CFAP45: variants seen among roughly 807,000 people sequenced by gnomAD.
The protein encoded by CFAP45 is cilia and flagella associated protein 45.
Under a neutral mutation model 75.6 loss-of-function variants are expected in CFAP45, and 43 were observed. That is an observed-to-expected ratio of 0.57 (90% CI 0.45 to 0.73). The LOEUF is 0.73. Ranked by LOEUF, CFAP45 falls within the 30% of genes least tolerant of loss-of-function variation. The pLI, the probability that CFAP45 is intolerant of heterozygous loss-of-function variation, is 0.00. For missense variants in CFAP45, 689 were observed against 701.5 expected (o/e 0.98, Z 0.20); for synonymous variants, 223 against 244.6 (o/e 0.91, Z 0.82).
chr1:159,885,340 A>G (rs933649329), intron 6 of CFAP45, among the ~76,000 whole-genome samples: 4 of 152,202 alleles, frequency 2.6e-5, no homozygotes, highest in Admixed American at 2.6e-4. Flanking sequence ...TTTCACTGGG[A>G]ACCTACTATA....
At chr1:159,898,131 CTT>C in intron 1 of CFAP45, 1 of 985,466 alleles carries the variant, frequency 1.0e-6, no homozygotes, top group South Asian at 4.7e-5. Flanking sequence ...GCTTCAAACT[CTT>C]GGCCTGGTTC....
rs1172080816 is a variant in CFAP45 at position 159,887,893 on chromosome 1, C to T, written c.536G>A (p.Arg179Lys). The T allele has an allele frequency of 6.2e-7, 1 of 1,614,210 alleles. No homozygotes were observed. The highest frequency in any genetic ancestry group is 8.5e-7 in the Non-Finnish European group (1 of 1,180,022). ...CTGCTCCATCCGCAGCTTGTTGGCTCTCTGCAGGAGGTTCTGGGCCCGTTC... is the reference window on the plus strand; with the variant it reads ...CTGCTCCATCCGCAGCTTGTTGGCTTTCTGCAGGAGGTTCTGGGCCCGTTC... ...AKERAQNLLQ[R>K]ANKLRMEQEE... is the part of the protein sequence containing the mutation. Residue 179 changes from arginine (R) to lysine (K), a missense_variant, in exon 5 of 12, where the codon AGA becomes AAA. By Grantham distance (26) the Arg-to-Lys change is conservative (BLOSUM62 2). Transcript: ENST00000368099.
intron 1 of CFAP45, among the ~76,000 whole-genome samples, chr1:159,896,695 C>G (rs1458977026): frequency 6.6e-6 from 1 of 152,140 alleles, no homozygotes; most frequent in Non-Finnish European, 1.5e-5. Flanking sequence ...GGGAAGGCAG[C>G]TGAGAAGGCA....
At chr1:159,888,629 G>GGACCCATGGCACACT in intron 3 of CFAP45, 133 bp from the exon 4 acceptor site, 3 of 778,672 alleles carry the variant, frequency 3.9e-6, no homozygotes, top group Non-Finnish European at 6.1e-6. Context: ...GACGGCAAGT[G>GGACCCATGGCACACT]TGCCATGGGT....
intron 6 of CFAP45, among the ~76,000 whole-genome samples, chr1:159,885,296 A>G (rs560954505): frequency 6.6e-6 from 1 of 152,240 alleles, no homozygotes; most frequent in Non-Finnish European, 1.5e-5. Flanking sequence ...CTGTTTATGC[A>G]GAAGATGGAC....
At chr1:159,885,790 C>A (rs1202520588) in intron 6 of CFAP45, among the ~76,000 whole-genome samples, 1 of 151,912 alleles carries the variant, frequency 6.6e-6, no homozygotes, top group African/African-American at 2.4e-5. Flanking sequence ...GAGAAGGGAG[C>A]CACTAAGCCT....
chr1:159,900,083 G>A lies in CFAP45; in HGVS notation c.3+13C>T. The A allele has an allele frequency of 1.2e-6, 2 of 1,614,038 alleles. No homozygotes were observed. The highest frequency in any genetic ancestry group is 2.2e-5 in the East Asian group (1 of 44,862). On this transcript the variant is annotated intron_variant, in intron 1 of 11. Transcript: ENST00000368099. ...TTCAGGACACAAGGGGCCCATCTGA[G>A]GTTCTCCCTCACCATCTCCTCAGCC...
chr1:159,886,782 G>T, intron 5 of CFAP45, 93 bp from the exon 6 acceptor site: 3 of 1,028,042 alleles, frequency 2.9e-6, no homozygotes, highest in African/African-American at 1.6e-5. Context: ...TGCTGAGCAT[G>T]CTGGAGGTGT....
intron 5 of CFAP45, among the ~76,000 whole-genome samples, chr1:159,887,225 A>C (rs1012584235): frequency 6.6e-6 from 1 of 152,216 alleles, no homozygotes; most frequent in African/African-American, 2.4e-5. Flanking sequence ...ATAAGAACCC[A>C]AAAGTAAAAC....
chr1:159,876,841 A>ATGT lies in CFAP45; in HGVS notation c.1159-93_1159-92insACA, dbSNP rs1361097233. On this transcript the variant is annotated intron_variant, in intron 9 of 11. Coordinates refer to ENST00000368099, the MANE Select transcript of CFAP45 (RefSeq NM_012337.3). ...AGAAGATACCTACTTACAGACTCTG[A>ATGT]CAGTCTGCTTTGAAAAGCATCATGA... 3.3e-6 allele frequency: 4 copies of ATGT among 1,205,192 alleles called. No individual in the cohort carries two copies. The African/African-American group carries it at 6.0e-5, about 18-fold the overall frequency. 74.7% of individuals were successfully genotyped at this position (1,205,192 alleles called of 1,614,324 possible). A position where few individuals can be genotyped will look rare whatever the true frequency, so the allele number is the denominator to read the frequency against.
At chr1:159,897,483 T>C (rs866525448) in intron 1 of CFAP45, among the ~76,000 whole-genome samples, 3 of 152,204 alleles carry the variant, frequency 2.0e-5, no homozygotes, top group Middle Eastern at 3.4e-3. Flanking sequence ...CTCAGGAGGC[T>C]GAGGCAGGAG....
At chr1:159,882,551 G>T (rs1029158430) in intron 7 of CFAP45, among the ~76,000 whole-genome samples, 1 of 152,152 alleles carries the variant, frequency 6.6e-6, no homozygotes, top group Non-Finnish European at 1.5e-5. Context: ...AGCAAGGTGG[G>T]AAACGCTGCC....
At chr1:159,886,404 AT>A (rs1464031993) in intron 6 of CFAP45, 106 bp downstream of exon 6, 1 of 958,820 alleles carries the variant, frequency 1.0e-6, no homozygotes, top group Admixed American at 2.1e-5. Context: ...TAATAAGTAG[AT>A]GACAATAATG....
At position 159,890,518 on chromosome 1, in the gene CFAP45, G is replaced by A. The variant is rs1296643450; in HGVS notation, c.234C>T (p.Thr78=). 2 of 1,614,132 alleles carry A rather than the reference G, an allele frequency of 1.2e-6. No homozygotes were observed. The highest frequency in any genetic ancestry group is 1.6e-4 in the Middle Eastern group (1 of 6,062). The change falls in exon 3 of 12, where the codon ACC becomes ACT. Residue 78 remains threonine (T), a synonymous_variant. Transcript: ENST00000368099. ...CCATGTCCCGGGTGATGAGCTGGAT[G>A]GTCTCTGGCTTGCGATCCAAGCCCA... The part of the protein sequence containing the change: ...TALGLDRKPE[T]IQLITRDMVR...
intron 1 of CFAP45, among the ~76,000 whole-genome samples, chr1:159,895,891 T>C (rs1385410825): frequency 6.6e-6 from 1 of 152,226 alleles, no homozygotes; most frequent in Admixed American, 6.5e-5. Flanking sequence ...GCCTGGCACA[T>C]GTAGTAGGAA....
intron 6 of CFAP45, among the ~76,000 whole-genome samples, chr1:159,886,183 T>C (rs1181320298): frequency 1.3e-5 from 2 of 151,898 alleles, no homozygotes; most frequent in African/African-American, 4.8e-5. Flanking sequence ...CTCTTCTAAA[T>C]ACAAAAATTA....
chr1:159,876,196 C>A, intron 10 of CFAP45: 1 of 301,686 alleles, frequency 3.3e-6, no homozygotes, highest in Non-Finnish European at 6.3e-6. Flanking sequence ...CTCTATCTTT[C>A]CTAAACCACT....
intron 8 of CFAP45, among the ~76,000 whole-genome samples, chr1:159,878,953 GGGCAGCCC>G (rs1250700616): frequency 6.6e-6 from 1 of 151,716 alleles, no homozygotes; most frequent in Non-Finnish European, 1.5e-5. Flanking sequence ...AGCTCTGCAG[GGGCAGCCC>G]TGGCTGCAAG....
intron 6 of CFAP45, among the ~76,000 whole-genome samples, chr1:159,884,806 CTTCT>C (rs1223109872): frequency 6.6e-6 from 1 of 152,200 alleles, no homozygotes; most frequent in Non-Finnish European, 1.5e-5. Context: ...TGAGATTCTC[CTTCT>C]TTATTTGTTT....
Sources: gnomAD v4.1 joint callset for allele counts (sites outside exome capture counted in the v4.1 genomes callset) on GRCh38, gnomAD v4.1.1 for gene constraint, MANE v1.5 for transcripts, NCBI Gene and HGNC (gene_info 2026-07-23, HGNC 2026-07-21) for gene names.